XIRP2: variants seen among roughly 807,000 people sequenced by gnomAD.
XIRP2 encodes xin actin binding repeat containing 2.
XIRP2 carries 236 observed loss-of-function variants against 277.0 expected under a neutral mutation model. The observed-to-expected ratio is 0.85, with a 90% CI of 0.77 to 0.95. The LOEUF (loss-of-function observed/expected upper bound fraction) is 0.95. Ranked by LOEUF, XIRP2 falls within the 40% of genes least tolerant of loss-of-function variation. The pLI, the probability that XIRP2 is intolerant of heterozygous loss-of-function variation, is 0.00. For missense variants in XIRP2, 4,640 were observed against 4,157.5 expected (o/e 1.12, Z -3.19); for synonymous variants, 1,490 against 1,416.5 (o/e 1.05, Z -1.17).
intron 7 of XIRP2, 98 bp downstream of exon 7, chr2:167,240,834 T>A: frequency 1.0e-6 from 1 of 969,310 alleles, no homozygotes; most frequent in Non-Finnish European, 1.6e-6. Flanking sequence ...CCCCTCTGAG[T>A]AACTTTAGTA....
intron 2 of XIRP2, among the ~76,000 whole-genome samples, chr2:167,095,561 A>G (rs137895217): frequency 0.019 from 2,854 of 152,180 alleles, 96 homozygotes; most frequent in African/African-American, 0.065. Flanking sequence ...TTCTGCATCT[A>G]TTGAGATAAT....
Position 167,258,611 on chromosome 2 carries a change from A to T in XIRP2, c.*794A>T. ...TAATGGTGCAGAAGTTTTACAGGTT[A>T]CTAACACTGATGATGAGATGATGCC... On this transcript the variant is annotated 3_prime_UTR_variant, in exon 11 of 11. Transcript: ENST00000409195. 1 of 1,613,160 alleles carries T rather than the reference A, an allele frequency of 6.2e-7. No individual in the cohort carries two copies. Among genetic ancestry groups the T allele is most frequent in the Non-Finnish European group, 8.5e-7 (1 of 1,179,584 alleles).
chr2:167,175,759 C>T (rs1254222801), intron 3 of XIRP2, among the ~76,000 whole-genome samples: 1 of 152,324 alleles, frequency 6.6e-6, no homozygotes. Flanking sequence ...CCCCCAGGTG[C>T]TCTGTCCCAG....
intron 2 of XIRP2, among the ~76,000 whole-genome samples, chr2:166,957,156 T>C (rs1686183128): frequency 6.6e-6 from 1 of 151,738 alleles, no homozygotes; most frequent in South Asian, 2.1e-4. Context: ...TTTTTCTCTT[T>C]ATCTGGAGAT....
intron 2 of XIRP2, among the ~76,000 whole-genome samples, chr2:166,924,735 T>G (rs566004639): frequency 6.6e-6 from 1 of 152,150 alleles, no homozygotes; most frequent in Admixed American, 6.6e-5. Context: ...AGCACTTAGT[T>G]CTATGACATG....
At chr2:167,027,723 C>T (rs534273606) in intron 2 of XIRP2, among the ~76,000 whole-genome samples, 37 of 152,150 alleles carry the variant, frequency 2.4e-4, no homozygotes, top group African/African-American at 8.7e-4. Context: ...TTTCTTGTAA[C>T]AGACAGGACC....
chr2:167,165,136 T>C (rs1187531606), intron 3 of XIRP2, among the ~76,000 whole-genome samples: 1 of 152,216 alleles, frequency 6.6e-6, no homozygotes, highest in Non-Finnish European at 1.5e-5. Flanking sequence ...CATTTAGTAA[T>C]ATGCATTTAG....
rs1164468540 is a variant in XIRP2 at position 167,251,752 on chromosome 2, G to T, written c.10360G>T (p.Ala3454Ser). The T allele has an allele frequency of 6.2e-7, 1 of 1,613,330 alleles. No homozygotes were observed. The highest frequency in any genetic ancestry group is 1.1e-5 in the South Asian group (1 of 91,062). ...CAAATCTGGCTGTGACTTCAAGCAT[G>T]CCCCACCAACCTATGAGGATGTCAT... ...AGKSGCDFKHAPPTYEDVIAG... is the reference protein window; with the variant it reads ...AGKSGCDFKHSPPTYEDVIAG... Residue 3454 changes from alanine to serine, a missense_variant, in exon 9 of 11, where the codon GCC becomes TCC. Transcript: ENST00000409195.
At position 166,967,715 on chromosome 2, in the gene XIRP2, T is replaced by G. The variant is rs1288144125; in HGVS notation, c.408+63825T>G. Among the ~76,000 whole-genome samples, 3 of 151,946 alleles carry G rather than the reference T, an allele frequency of 2.0e-5. No homozygotes were observed. The East Asian group carries it at 5.8e-4, about 29-fold the overall frequency. On this transcript the variant is annotated intron_variant, in intron 2 of 10. Coordinates refer to ENST00000409195, the MANE Select transcript of XIRP2 (RefSeq NM_152381.6). ...AGATTGACTATAATCAGTAAAACAT[T>G]GAATGTCAGTAGTTTTACTATTTCA...
At chr2:167,016,806 C>A in intron 2 of XIRP2, among the ~76,000 whole-genome samples, 1 of 151,910 alleles carries the variant, frequency 6.6e-6, no homozygotes, top group East Asian at 1.9e-4. Flanking sequence ...CATCACAATT[C>A]AAGCAAATTT....
Position 167,250,733 on chromosome 2 carries a change from T to TA in XIRP2, c.9346dup (p.Thr3116AsnfsTer23), listed in dbSNP as rs769939590. 6.2e-6 allele frequency: 10 copies of TA among 1,613,486 alleles called. No homozygotes were observed. The South Asian group carries it at 1.1e-4, about 18-fold the overall frequency. The stretch of plus-strand genomic sequence containing the variant: ...GATAGCAACATTCCTCCTCCCTCTT[T>TA]AAAAACACGCCCACCGTCACCAACT... On this transcript the variant is annotated frameshift_variant, in exon 9 of 11. Transcript: ENST00000409195. LOFTEE classifies it high-confidence loss of function.
At chr2:167,100,707 C>G (rs1354812756) in intron 2 of XIRP2, among the ~76,000 whole-genome samples, 1 of 152,172 alleles carries the variant, frequency 6.6e-6, no homozygotes, top group Non-Finnish European at 1.5e-5. Context: ...TCGTGAAATG[C>G]TGGTTGACAT....
chr2:167,069,248 CTG>C (rs759982561), intron 2 of XIRP2, among the ~76,000 whole-genome samples: 15 of 152,244 alleles, frequency 9.9e-5, no homozygotes, highest in Non-Finnish European at 1.8e-4. Flanking sequence ...TTTTGGAACA[CTG>C]TGGAGCTTCT....
At chr2:166,955,703 T>C (rs1686144533) in intron 2 of XIRP2, among the ~76,000 whole-genome samples, 1 of 151,902 alleles carries the variant, frequency 6.6e-6, no homozygotes, top group South Asian at 2.1e-4. Context: ...AAAATGTCAT[T>C]CTCCTTTCTA....
intron 3 of XIRP2, among the ~76,000 whole-genome samples, chr2:167,174,023 T>A (rs1394254359): frequency 1.3e-5 from 2 of 152,180 alleles, no homozygotes; most frequent in Non-Finnish European, 2.9e-5. Flanking sequence ...TGCCAGTATT[T>A]TATTGAGGAT....
intron 2 of XIRP2, among the ~76,000 whole-genome samples, chr2:167,057,646 T>A (rs1437013127): frequency 1.3e-5 from 2 of 152,190 alleles, no homozygotes; most frequent in Admixed American, 1.3e-4. Context: ...GCCATTTTCT[T>A]GGCATGTCGA....
intron 2 of XIRP2, among the ~76,000 whole-genome samples, chr2:166,945,695 G>T (rs1325264159): frequency 8.0e-6 from 1 of 125,358 alleles, no homozygotes. Context: ...TTTTGAGATG[G>T]AGTTTCACTC....
In XIRP2 at chr2:167,249,270, T is replaced by C. The variant is rs746718747; in HGVS notation, c.7878T>C (p.Asp2626=). The C allele has an allele frequency of 6.8e-6, 11 of 1,613,844 alleles. No homozygotes were observed. The highest frequency in any genetic ancestry group is 6.6e-5 in the South Asian group (6 of 91,086). The part of the protein sequence containing the change: ...SNARILGVCS[D]NQLSTTSPET... ...CTCGGATACTAGGAGTGTGTTCTGA[T>C]AACCAACTCTCCACAACATCGCCAG... Residue 2626 remains aspartate (D), a synonymous_variant, in exon 9 of 11, where the codon GAT becomes GAC. Coordinates refer to ENST00000409195, the MANE Select transcript of XIRP2 (RefSeq NM_152381.6).
rs140590475 is a variant in XIRP2 at position 167,091,882 on chromosome 2, C to T, written c.409-44027C>T. 2.1e-3 allele frequency among the ~76,000 whole-genome samples: 321 copies of T among 152,172 alleles called. 1 individual carries two copies. In the Middle Eastern group the frequency reaches 0.037, roughly 18 times the overall value. On this transcript the variant is annotated intron_variant, in intron 2 of 10. Coordinates refer to ENST00000409195, the MANE Select transcript of XIRP2 (RefSeq NM_152381.6). The stretch of plus-strand genomic sequence containing the variant: ...TCAGGGCTGGTCAATTGTCAGGTCA[C>T]GTTTCCTTTAGTTTGTAGCACTTCA...
Sources: allele counts gnomAD v4.1 joint callset (sites outside exome capture counted in the v4.1 genomes callset), GRCh38; gene constraint gnomAD v4.1.1; transcripts MANE v1.5; gene names NCBI Gene and HGNC (gene_info 2026-07-23, HGNC 2026-07-21).